Variants in STPG1 observed in about 807,000 individuals in gnomAD.
STPG1 encodes sperm tail PG-rich repeat containing 1.
In STPG1, 33 loss-of-function variants were observed where a neutral mutation model predicts 40.1. That is an observed-to-expected ratio of 0.82 (90% CI 0.62 to 1.10). The LOEUF (loss-of-function observed/expected upper bound fraction) is 1.10. Ranked by LOEUF, STPG1 falls within the 50% of genes least tolerant of loss-of-function variation. STPG1 has a pLI of 0.00. For synonymous variants in STPG1, 150 were observed against 155.0 expected (o/e 0.97, Z 0.24); for missense variants, 396 against 415.1 (o/e 0.95, Z 0.40).
chr1:24,412,654 T>C (rs1301858069), intron 1 of STPG1, among the ~76,000 whole-genome samples: 3 of 152,140 alleles, frequency 2.0e-5, no homozygotes, highest in Non-Finnish European at 2.9e-5. Flanking sequence ...AGACAGAAGT[T>C]CAAGACTACC....
chr1:24,401,132 C>T (rs770554468), intron 2 of STPG1, 187 bp downstream of exon 2: 5 of 471,610 alleles, frequency 1.1e-5, no homozygotes, highest in Non-Finnish European at 1.9e-5. Flanking sequence ...TTCTCTCATC[C>T]TTTCTTCTCA....
intron 2 of STPG1, among the ~76,000 whole-genome samples, chr1:24,394,815 A>G (rs1216977030): frequency 1.3e-5 from 2 of 152,166 alleles, no homozygotes; most frequent in Non-Finnish European, 2.9e-5. Context: ...AGGATTAGTG[A>G]GCTGTGTGGA....
rs2148702464 is a variant in STPG1 at position 24,387,820 on chromosome 1, G to C, written c.189+3741C>G. 2.0e-5 allele frequency among the ~76,000 whole-genome samples: 3 copies of C among 152,332 alleles called. No homozygotes were observed. In the Middle Eastern group the frequency reaches 0.01, roughly 518 times the overall value. ...GCAGGGAGGCAGGACAGACCCTACT[G>C]TGGGTCAGATATGCAGCTGAGGGCA... On this transcript the variant is annotated intron_variant, in intron 3 of 8. Coordinates refer to ENST00000337248, the MANE Select transcript of STPG1 (RefSeq NM_001199013.2).
intron 1 of STPG1, among the ~76,000 whole-genome samples, chr1:24,409,397 C>A (rs369959276): frequency 1.3e-5 from 2 of 152,234 alleles, no homozygotes; most frequent in East Asian, 3.9e-4. Context: ...ATTTACCACC[C>A]CTCAGTGTTA....
chr1:24,407,667 A>G (rs927834916), intron 1 of STPG1, among the ~76,000 whole-genome samples: 5 of 151,860 alleles, frequency 3.3e-5, no homozygotes, highest in Admixed American at 3.3e-4. Flanking sequence ...TGAACTCTTG[A>G]CCTTGTGATC....
intron 5 of STPG1, among the ~76,000 whole-genome samples, chr1:24,375,393 T>C (rs977962146): frequency 6.6e-6 from 1 of 152,078 alleles, no homozygotes; most frequent in Non-Finnish European, 1.5e-5. Context: ...TCAAAAAAAA[T>C]GTTTCTCGAG....
chr1:24,409,134 G>A (rs971204364), intron 1 of STPG1, among the ~76,000 whole-genome samples: 3 of 152,136 alleles, frequency 2.0e-5, no homozygotes, highest in Non-Finnish European at 2.9e-5. Flanking sequence ...TTGGGAGGCC[G>A]AGGTTAGGCG....
chr1:24,371,122 C>T (rs778551028), intron 6 of STPG1, among the ~76,000 whole-genome samples: 34 of 152,116 alleles, frequency 2.2e-4, no homozygotes, highest in Non-Finnish European at 1.5e-4. Flanking sequence ...GTCAGTAGCC[C>T]TGTGAATGGA....
intron 4 of STPG1, among the ~76,000 whole-genome samples, chr1:24,381,201 C>A (rs1642268410): frequency 6.6e-6 from 1 of 152,198 alleles, no homozygotes. Context: ...AGCGACATGG[C>A]TCTGGGATAA....
At chr1:24,412,778 C>T (rs943982870) in intron 1 of STPG1, among the ~76,000 whole-genome samples, 40 of 152,126 alleles carry the variant, frequency 2.6e-4, no homozygotes, top group African/African-American at 9.7e-4. Context: ...TGAATGAATA[C>T]TAGAGGTAGA....
intron 4 of STPG1, 172 bp downstream of exon 4, chr1:24,383,729 CT>C (rs1642384727): frequency 5.6e-6 from 3 of 536,416 alleles, no homozygotes. Context: ...GAAAAAGTTA[CT>C]TAGAGACACA....
chr1:24,380,941 G>A (rs1049446966), intron 4 of STPG1, among the ~76,000 whole-genome samples: 1 of 152,198 alleles, frequency 6.6e-6, no homozygotes, highest in South Asian at 2.1e-4. Context: ...TAGAAGTAAG[G>A]TCACCCCAGC....
intron 7 of STPG1, among the ~76,000 whole-genome samples, chr1:24,368,439 G>T (rs139832265): frequency 6.6e-6 from 1 of 152,264 alleles, no homozygotes; most frequent in East Asian, 1.9e-4. Context: ...AGCCCTCCCA[G>T]TGGCCAGCTC....
rs1354242937 is a variant in STPG1 at position 24,358,248 on chromosome 1, G to A, written c.*295C>T. 1.6e-6 allele frequency: 1 copy of A among 617,506 alleles called. No individual in the cohort carries two copies. The highest frequency in any genetic ancestry group is 2.1e-5 in the Admixed American group (1 of 47,366). 38.3% of individuals were successfully genotyped at this position (617,506 alleles called of 1,614,324 possible). ...CTGCGGCAGGGAGTCGTGCCGGAAG[G>A]CAGCCTGGATGGGTGCGTGGGGAAG... On this transcript the variant is annotated 3_prime_UTR_variant, in exon 9 of 9. Transcript: ENST00000337248.
At chr1:24,375,393 T>A (rs977962146) in intron 5 of STPG1, among the ~76,000 whole-genome samples, 1 of 152,078 alleles carries the variant, frequency 6.6e-6, no homozygotes, top group Non-Finnish European at 1.5e-5. Context: ...TCAAAAAAAA[T>A]GTTTCTCGAG....
chr1:24,374,199 G>C (rs938120412), intron 5 of STPG1, among the ~76,000 whole-genome samples: 9 of 148,228 alleles, frequency 6.1e-5, no homozygotes, highest in Non-Finnish European at 1.0e-4. Context: ...GTGGAGTTCT[G>C]TCAGGGAGTG....
chr1:24,384,082 A>G (rs1458855381), intron 3 of STPG1, 79 bp from the exon 4 acceptor site: 9 of 861,316 alleles, frequency 1.0e-5, no homozygotes, highest in Non-Finnish European at 1.8e-5. Context: ...ATCCATTAAC[A>G]CTAAGCCTTA....
At chr1:24,406,931 C>A (rs1643436347) in intron 1 of STPG1, among the ~76,000 whole-genome samples, 1 of 152,184 alleles carries the variant, frequency 6.6e-6, no homozygotes, top group Non-Finnish European at 1.5e-5. Flanking sequence ...AATTCAAATT[C>A]ATAATGTTGT....
chr1:24,393,471 G>T (rs1275371952), intron 2 of STPG1, among the ~76,000 whole-genome samples: 1 of 152,162 alleles, frequency 6.6e-6, no homozygotes, highest in Non-Finnish European at 1.5e-5. Flanking sequence ...AAAAGCCTAA[G>T]CCTATAGAAC....
Sources: gnomAD v4.1 joint callset for allele counts (sites outside exome capture counted in the v4.1 genomes callset) on GRCh38, gnomAD v4.1.1 for gene constraint, MANE v1.5 for transcripts, NCBI Gene and HGNC (gene_info 2026-07-23, HGNC 2026-07-21) for gene names.